Variants in ARHGAP15 observed in about 807,000 individuals in gnomAD.
ARHGAP15 encodes the protein rho GTPase-activating protein 15.
Under a neutral mutation model 63.7 loss-of-function variants are expected in ARHGAP15, and 51 were observed. That is an observed-to-expected ratio of 0.80 (90% CI 0.64 to 1.01). ARHGAP15 has a LOEUF of 1.01. ARHGAP15 is among the 50% of genes least tolerant of loss of function. ARHGAP15 has a pLI of 0.00. For missense variants in ARHGAP15, 560 were observed against 564.6 expected (o/e 0.99, Z 0.08); for synonymous variants, 191 against 193.8 (o/e 0.99, Z 0.12).
intron 11 of ARHGAP15, among the ~76,000 whole-genome samples, chr2:143,583,693 A>G (rs1696998313): frequency 6.6e-6 from 1 of 152,228 alleles, no homozygotes; most frequent in South Asian, 2.1e-4. Context: ...TTTAAACATG[A>G]TCAAGTTAAA....
intron 13 of ARHGAP15, among the ~76,000 whole-genome samples, chr2:143,743,559 C>A (rs1686041196): frequency 6.6e-6 from 1 of 152,174 alleles, no homozygotes; most frequent in South Asian, 2.1e-4. Flanking sequence ...GATCTCTGTA[C>A]TGACTCCTGT....
chr2:143,616,844 G>C (rs562773041), intron 11 of ARHGAP15, among the ~76,000 whole-genome samples: 2 of 152,172 alleles, frequency 1.3e-5, no homozygotes, highest in Non-Finnish European at 2.9e-5. Context: ...AAACCACTTT[G>C]CTCCTTTCTC....
intron 3 of ARHGAP15, among the ~76,000 whole-genome samples, chr2:143,205,429 A>G (rs571807427): frequency 4.1e-4 from 62 of 152,274 alleles, no homozygotes; most frequent in Non-Finnish European, 7.8e-4. Flanking sequence ...TTTTAGTTCT[A>G]TGAGGGCAAG....
At chr2:143,141,991 G>A (rs1180409417) in intron 1 of ARHGAP15, among the ~76,000 whole-genome samples, 4 of 152,008 alleles carry the variant, frequency 2.6e-5, no homozygotes, top group Non-Finnish European at 5.9e-5. Flanking sequence ...GGATGTAGAA[G>A]CTGTCCACCC....
chr2:143,524,325 A>G (rs914483096), intron 10 of ARHGAP15, among the ~76,000 whole-genome samples: 2 of 152,150 alleles, frequency 1.3e-5, no homozygotes, highest in Non-Finnish European at 2.9e-5. Context: ...TGTGATCAGC[A>G]TTTTCCCAGG....
chr2:143,273,916 A>G (rs1234518299), intron 6 of ARHGAP15, among the ~76,000 whole-genome samples: 3 of 152,100 alleles, frequency 2.0e-5, no homozygotes, highest in Non-Finnish European at 4.4e-5. Context: ...ATGAATAAAT[A>G]TATTTTGTAT....
At chr2:143,554,145 A>AT (rs1379867714) in intron 10 of ARHGAP15, among the ~76,000 whole-genome samples, 2 of 152,208 alleles carry the variant, frequency 1.3e-5, no homozygotes, top group South Asian at 2.1e-4. Context: ...AATTTGATTG[A>AT]TTTTTTAAAA....
intron 11 of ARHGAP15, among the ~76,000 whole-genome samples, chr2:143,581,002 A>G (rs1445876562): frequency 6.6e-6 from 1 of 152,184 alleles, no homozygotes; most frequent in African/African-American, 2.4e-5. Flanking sequence ...TCTTGTGATC[A>G]TCACAATAAT....
chr2:143,655,608 G>C (rs1681394742), intron 12 of ARHGAP15, among the ~76,000 whole-genome samples: 1 of 152,130 alleles, frequency 6.6e-6, no homozygotes, highest in Admixed American at 6.5e-5. Flanking sequence ...TTAGGAGCAA[G>C]GATTTTAGCT....
At chr2:143,389,553 G>A (rs1368848670) in intron 6 of ARHGAP15, among the ~76,000 whole-genome samples, 1 of 152,194 alleles carries the variant, frequency 6.6e-6, no homozygotes, top group Non-Finnish European at 1.5e-5. Flanking sequence ...AGACTAAAGT[G>A]AGTTTGCTAT....
chr2:143,479,759 GA>G lies in ARHGAP15; in HGVS notation c.704-7604del, dbSNP rs142327011. 6.3e-3 allele frequency among the ~76,000 whole-genome samples: 936 copies of G among 147,774 alleles called. 6 individuals carry two copies. The highest frequency in any genetic ancestry group is 0.017 in the African/African-American group (669 of 40,248). Reference sequence around the variant, plus strand: ...ACACTGTATCTCATTTTGTTTTAAGGAAAAAAAAAATGTCATTGTGTTTCTC... The same window carrying G: ...ACACTGTATCTCATTTTGTTTTAAGGAAAAAAAAATGTCATTGTGTTTCTC... On this transcript the variant is annotated intron_variant, in intron 8 of 13. Transcript: ENST00000295095.
At chr2:143,625,980 T>G (rs1178663632) in intron 12 of ARHGAP15, among the ~76,000 whole-genome samples, 1 of 152,176 alleles carries the variant, frequency 6.6e-6, no homozygotes, top group East Asian at 1.9e-4. Context: ...GCTTGAGAGA[T>G]ATGGAAAGCA....
chr2:143,753,151 A>G (rs912818321), intron 13 of ARHGAP15, among the ~76,000 whole-genome samples: 2 of 152,206 alleles, frequency 1.3e-5, no homozygotes, highest in Non-Finnish European at 2.9e-5. Context: ...TCTTAAATAC[A>G]TACATAACAT....
chr2:143,137,717 TAA>T (rs1436934874), intron 1 of ARHGAP15, among the ~76,000 whole-genome samples: 1 of 152,040 alleles, frequency 6.6e-6, no homozygotes, highest in Non-Finnish European at 1.5e-5. Flanking sequence ...ATCCATTTCC[TAA>T]AAGAGTCAAA....
In ARHGAP15 at chr2:143,737,595, G is replaced by A. The variant is rs952258100; in HGVS notation, c.1245-30394G>A. Among the ~76,000 whole-genome samples, 35 of 152,150 alleles carry A rather than the reference G, an allele frequency of 2.3e-4. 1 individual carries two copies. The highest frequency in any genetic ancestry group is 8.2e-4 in the African/African-American group (34 of 41,430). ...ACGTGAAAATGATACTATCAATTGA[G>A]TAGAACCAAAAAGATTCGAACATGC... On this transcript the variant is annotated intron_variant, in intron 13 of 13. Coordinates refer to ENST00000295095, the MANE Select transcript of ARHGAP15 (RefSeq NM_018460.4).
intron 8 of ARHGAP15, among the ~76,000 whole-genome samples, chr2:143,443,752 A>G (rs1690005431): frequency 6.6e-6 from 1 of 152,168 alleles, no homozygotes; most frequent in South Asian, 2.1e-4. Flanking sequence ...TTTGATAGTC[A>G]AGCATCCACA....
chr2:143,667,694 A>C (rs971823426), intron 12 of ARHGAP15, among the ~76,000 whole-genome samples: 2 of 151,192 alleles, frequency 1.3e-5, no homozygotes, highest in Non-Finnish European at 3.0e-5. Context: ...AAAATTTCAG[A>C]AAAAAAAATA....
intron 11 of ARHGAP15, among the ~76,000 whole-genome samples, chr2:143,561,951 C>A (rs1019431256): frequency 1.3e-5 from 2 of 152,078 alleles, no homozygotes; most frequent in African/African-American, 4.8e-5. Flanking sequence ...AGCACACACA[C>A]GCATGTGCAT....
intron 2 of ARHGAP15, among the ~76,000 whole-genome samples, chr2:143,173,412 G>T (rs1690878391): frequency 6.6e-6 from 1 of 151,888 alleles, no homozygotes; most frequent in African/African-American, 2.4e-5. Context: ...AATTTATTTT[G>T]TACTTTTAAC....
Sources: gnomAD v4.1 joint callset for allele counts (sites outside exome capture counted in the v4.1 genomes callset) on GRCh38, gnomAD v4.1.1 for gene constraint, MANE v1.5 for transcripts, NCBI Gene and HGNC (gene_info 2026-07-23, HGNC 2026-07-21) for gene names.